NCK2: variants seen among roughly 807,000 people sequenced by gnomAD.
NCK2 encodes the protein NCK adaptor protein 2.
Under a neutral mutation model 33.9 loss-of-function variants are expected in NCK2, and 16 were observed. That is an observed-to-expected ratio of 0.47 (90% CI 0.32 to 0.72). NCK2 has a LOEUF of 0.72. Ranked by LOEUF, NCK2 falls within the 30% of genes least tolerant of loss-of-function variation. NCK2 has a pLI of 0.03. For synonymous variants in NCK2, 273 were observed against 239.9 expected (o/e 1.14, Z -1.27); for missense variants, 418 against 537.3 (o/e 0.78, Z 2.19).
At chr2:105,768,479 G>A (rs1401535128) in intron 1 of NCK2, among the ~76,000 whole-genome samples, 2 of 152,122 alleles carry the variant, frequency 1.3e-5, no homozygotes, top group Non-Finnish European at 2.9e-5. Flanking sequence ...CTGATCAACT[G>A]GCTGTAAATT....
chr2:105,854,375 A>G (rs1038180150), intron 2 of NCK2: 1 of 152,226 alleles, frequency 6.6e-6, no homozygotes, highest in African/African-American at 2.4e-5. Flanking sequence ...TTTTATATTT[A>G]TAAAAAAGTT....
At chr2:105,815,673 T>C (rs893927455) in intron 1 of NCK2, among the ~76,000 whole-genome samples, 1 of 152,202 alleles carries the variant, frequency 6.6e-6, no homozygotes, top group Admixed American at 6.5e-5. Context: ...TTTGGAGTGT[T>C]CGTCTCAGAA....
chr2:105,790,435 T>C (rs574768944), intron 1 of NCK2, among the ~76,000 whole-genome samples: 2 of 152,230 alleles, frequency 1.3e-5, no homozygotes, highest in East Asian at 3.9e-4. Context: ...AGCAGGAGAG[T>C]CTGTGCCTGT....
At chr2:105,827,448 C>CA (rs1443546497) in intron 2 of NCK2, among the ~76,000 whole-genome samples, 1 of 152,190 alleles carries the variant, frequency 6.6e-6, no homozygotes, top group Non-Finnish European at 1.5e-5. Flanking sequence ...AACAACCACA[C>CA]AGAAAGTACA....
At chr2:105,886,544 A>G (rs988805284) in intron 4 of NCK2, among the ~76,000 whole-genome samples, 6 of 152,042 alleles carry the variant, frequency 3.9e-5, no homozygotes, top group African/African-American at 1.4e-4. Context: ...GAACCTATGA[A>G]CTCCTGAATA....
At chr2:105,864,211 T>G (rs1677660144) in intron 3 of NCK2, among the ~76,000 whole-genome samples, 1 of 151,988 alleles carries the variant, frequency 6.6e-6, no homozygotes. Flanking sequence ...GCAGGGGTCC[T>G]GATCCTTGTC....
intron 1 of NCK2, among the ~76,000 whole-genome samples, chr2:105,759,732 G>T (rs956232019): frequency 6.6e-5 from 10 of 152,224 alleles, no homozygotes; most frequent in African/African-American, 2.4e-4. Context: ...GTTTCCTTTA[G>T]TCTCCGTAGC....
At chr2:105,871,312 T>C (rs1353912721) in intron 3 of NCK2, among the ~76,000 whole-genome samples, 1 of 151,892 alleles carries the variant, frequency 6.6e-6, no homozygotes, top group Non-Finnish European at 1.5e-5. Context: ...GGCAAGGTGC[T>C]GTCAGGCGCT....
chr2:105,864,231 C>T (rs530041332), intron 3 of NCK2, among the ~76,000 whole-genome samples: 3 of 151,910 alleles, frequency 2.0e-5, no homozygotes, highest in South Asian at 2.1e-4. Context: ...CTTCAGGACA[C>T]GACTGGAAGG....
rs1039658411 is a variant in NCK2 at position 105,892,313 on chromosome 2, A to G, written c.949-669A>G. 2.0e-5 allele frequency among the ~76,000 whole-genome samples: 3 copies of G among 152,366 alleles called. No individual in the cohort carries two copies. In the South Asian group the frequency reaches 6.2e-4, roughly 32 times the overall value. On this transcript the variant is annotated intron_variant, in intron 4 of 4. Coordinates refer to ENST00000233154, the MANE Select transcript of NCK2 (RefSeq NM_003581.5). Reference sequence around the variant, plus strand: ...TAATAAATTCCCAGTTTATCAAAAAATAGTTTGGGAAATGAAAAACAGCAA... The same window carrying G: ...TAATAAATTCCCAGTTTATCAAAAAGTAGTTTGGGAAATGAAAAACAGCAA...
At chr2:105,781,017 A>C (rs947267352) in intron 1 of NCK2, among the ~76,000 whole-genome samples, 3 of 152,318 alleles carry the variant, frequency 2.0e-5, no homozygotes, top group Middle Eastern at 3.4e-3. Flanking sequence ...GCCCGAATCT[A>C]GATTTTGTCT....
At chr2:105,770,089 G>T (rs888350035) in intron 1 of NCK2, among the ~76,000 whole-genome samples, 7 of 143,196 alleles carry the variant, frequency 4.9e-5, no homozygotes, top group Non-Finnish European at 9.0e-5. Context: ...AAGTATTTTT[G>T]CACTTAATTT....
intron 2 of NCK2, among the ~76,000 whole-genome samples, chr2:105,835,408 T>TATATATATATATACATAC (rs1553458610): frequency 2.4e-5 from 1 of 41,270 alleles, no homozygotes; most frequent in Non-Finnish European, 6.8e-5. Context: ...TATATATACG[T>TATATATATATATACATAC]GTATATATAT....
intron 2 of NCK2, among the ~76,000 whole-genome samples, chr2:105,823,090 T>C (rs926826536): frequency 1.3e-5 from 2 of 151,696 alleles, no homozygotes; most frequent in Non-Finnish European, 2.9e-5. Context: ...CAGAGAGAAA[T>C]TTTTCTTGAC....
chr2:105,856,105 A>T (rs1211391496), intron 3 of NCK2, among the ~76,000 whole-genome samples: 2 of 151,600 alleles, frequency 1.3e-5, no homozygotes, highest in Non-Finnish European at 2.9e-5. Context: ...AAGTGCTGGG[A>T]TTACAGGCGT....
chr2:105,746,870 T>C (rs991943579), intron 1 of NCK2, among the ~76,000 whole-genome samples: 3 of 152,166 alleles, frequency 2.0e-5, no homozygotes, highest in African/African-American at 7.2e-5. Context: ...TGGAGAACTT[T>C]AGGCATAGGA....
At chr2:105,829,217 C>T (rs1334495984) in intron 2 of NCK2, among the ~76,000 whole-genome samples, 2 of 152,110 alleles carry the variant, frequency 1.3e-5, no homozygotes, top group Non-Finnish European at 2.9e-5. Flanking sequence ...AGACAAATGC[C>T]TGTGAACCTA....
At chr2:105,866,945 G>C (rs936028033) in intron 3 of NCK2, among the ~76,000 whole-genome samples, 2 of 152,194 alleles carry the variant, frequency 1.3e-5, no homozygotes, top group South Asian at 2.1e-4. Context: ...TGGTGCATTT[G>C]TCTTAGAAGT....
chr2:105,793,064 C>A (rs1690949163), intron 1 of NCK2, among the ~76,000 whole-genome samples: 1 of 152,058 alleles, frequency 6.6e-6, no homozygotes, highest in Non-Finnish European at 1.5e-5. Context: ...GAGCATCAAG[C>A]AGTGCAGGCT....
Sources: allele counts gnomAD v4.1 joint callset (sites outside exome capture counted in the v4.1 genomes callset), GRCh38; gene constraint gnomAD v4.1.1; transcripts MANE v1.5; gene names NCBI Gene and HGNC (gene_info 2026-07-23, HGNC 2026-07-21).